ABLIM1: variants seen among roughly 807,000 people sequenced by gnomAD.
The protein encoded by ABLIM1 is actin binding LIM protein 1.
Under a neutral mutation model 107.0 loss-of-function variants are expected in ABLIM1, and 40 were observed. That is an observed-to-expected ratio of 0.37 (90% CI 0.29 to 0.49). ABLIM1 has a LOEUF of 0.49. ABLIM1 is among the 20% of genes least tolerant of loss of function. The pLI, the probability that ABLIM1 is intolerant of heterozygous loss-of-function variation, is 0.97. For synonymous variants in ABLIM1, 357 were observed against 357.3 expected (o/e 1.00, Z 0.01); for missense variants, 857 against 1,008.5 (o/e 0.85, Z 2.04).
At chr10:114,542,198 C>T (rs2066749218) in intron 6 of ABLIM1, among the ~76,000 whole-genome samples, 1 of 151,926 alleles carries the variant, frequency 6.6e-6, no homozygotes. Flanking sequence ...TGCCTGAGGC[C>T]AGGAGTTAGA....
At chr10:114,609,947 G>A (rs2483593) in intron 1 of ABLIM1, among the ~76,000 whole-genome samples, 144,163 of 152,312 alleles carry the variant, frequency 0.95, 68,271 homozygotes, top group African/African-American at 0.99. Context: ...GTCCAAAAAG[G>A]TACAGCTAAG....
At chr10:114,512,880 G>C (rs1364022820) in intron 6 of ABLIM1, among the ~76,000 whole-genome samples, 2 of 149,884 alleles carry the variant, frequency 1.3e-5, no homozygotes, top group Admixed American at 6.7e-5. Flanking sequence ...AGGAAGGAAG[G>C]AAGGAAGGAA....
chr10:114,792,784 G>T, the ABLIM1 span, among the ~76,000 whole-genome samples: 3 of 152,136 alleles, frequency 2.0e-5, no homozygotes, highest in Non-Finnish European at 4.4e-5. Context: ...TCTATATTCA[G>T]CTGCTTTATC....
At chr10:114,757,343 A>G (rs1382165404) in intron 1 of ABLIM1, among the ~76,000 whole-genome samples, 1 of 152,182 alleles carries the variant, frequency 6.6e-6, no homozygotes, top group Non-Finnish European at 1.5e-5. Context: ...AAGTTTCTTC[A>G]TTTCTCTATG....
rs774102441 is a variant in ABLIM1 at position 114,438,385 on chromosome 10, G to A, written c.2143-461C>T. 3.3e-5 allele frequency among the ~76,000 whole-genome samples: 5 copies of A among 152,130 alleles called. No individual in the cohort carries two copies. In the South Asian group the frequency reaches 8.3e-4, roughly 25 times the overall value. On this transcript the variant is annotated intron_variant, in intron 21 of 22. Transcript: ENST00000533213. ...GGTGACCCTCCTATCTTACCCTCCC[G>A]AGTAGCTGGGACTATAGGCACATGT... is the stretch of plus-strand genomic sequence containing the variant.
chr10:114,615,023 C>A (rs2077038245), intron 1 of ABLIM1, among the ~76,000 whole-genome samples: 1 of 144,862 alleles, frequency 6.9e-6, no homozygotes, highest in Non-Finnish European at 1.5e-5. Flanking sequence ...GCACTCCAGT[C>A]TGGGCAATAA....
chr10:114,680,843 G>A lies in ABLIM1; in HGVS notation c.64+3447C>T, dbSNP rs145719456. On this transcript the variant is annotated intron_variant, in intron 1 of 23. Transcript: ENST00000369256. ...CAGGATTATCATTCTAAATGACAGA[G>A]ATTTATTCTGAACAGTCCCTAGCAT... is the stretch of plus-strand genomic sequence containing the variant. Among the ~76,000 whole-genome samples, 70 of 152,300 alleles carry A rather than the reference G, an allele frequency of 4.6e-4. No individual in the cohort carries two copies. In the East Asian group the frequency reaches 0.012, roughly 27 times the overall value.
Position 114,571,387 on chromosome 10 carries a change from C to G in ABLIM1, c.583G>C (p.Asp195His). The change falls in exon 4 of 23, where the codon GAC (aspartate) becomes CAC (histidine). Residue 195 changes from aspartate (D) to histidine (H), a missense_variant. Asp to His is a moderately conservative substitution (Grantham distance 81). This residue lies in a region of ABLIM1 where 381 missense variants were observed against 506.9 expected (regional missense o/e 0.75). Coordinates refer to ENST00000533213, the MANE Select transcript of ABLIM1 (RefSeq NM_002313.7). ...TCTCTCCCATTGAATGTGACTCGGT[C>G]TCCGGGTGGAAACGGGCGCCTGGAG... ...TICKRPFPPG[D>H]RVTFNGRDCL... The G allele has an allele frequency of 6.2e-7, 1 of 1,614,202 alleles. No individual in the cohort carries two copies. The highest frequency in any genetic ancestry group is 8.5e-7 in the Non-Finnish European group (1 of 1,180,044).
chr10:114,576,265 G>A (rs189146982), intron 2 of ABLIM1, among the ~76,000 whole-genome samples: 4 of 152,336 alleles, frequency 2.6e-5, no homozygotes, highest in East Asian at 1.9e-4. Context: ...GGGAGATGGT[G>A]CAAACAGGCA....
chr10:114,797,820 G>A, the ABLIM1 span, among the ~76,000 whole-genome samples: 1 of 152,142 alleles, frequency 6.6e-6, no homozygotes, highest in Admixed American at 6.6e-5. Context: ...AGTGGGACAG[G>A]ACAGTTAGAT....
At chr10:114,692,567 AT>A (rs2081103104) in intron 1 of ABLIM1, among the ~76,000 whole-genome samples, 1 of 152,326 alleles carries the variant, frequency 6.6e-6, no homozygotes, top group South Asian at 2.1e-4. Context: ...AAAAGTCTAA[AT>A]TCAAAAGGAT....
rs557711453 is a variant in ABLIM1, at chr10:114,695,709, G to A, written c.-213+72352C>T. ...GAATTCTGCTGCTAGAAATGGCAATGATAATGCAATGGCATTGGAGACAAT... is the reference window on the plus strand; with the variant it reads ...GAATTCTGCTGCTAGAAATGGCAATAATAATGCAATGGCATTGGAGACAAT... On this transcript the variant is annotated intron_variant, in intron 1 of 15. Transcript: ENST00000651092. Among the ~76,000 whole-genome samples, 12 of 152,278 alleles carry A rather than the reference G, an allele frequency of 7.9e-5. No individual in the cohort carries two copies. In the South Asian group the frequency reaches 2.5e-3, roughly 32 times the overall value.
At chr10:114,474,584 G>A (rs2067234385) in intron 8 of ABLIM1, among the ~76,000 whole-genome samples, 1 of 152,066 alleles carries the variant, frequency 6.6e-6, no homozygotes. Flanking sequence ...GTTTCACCGT[G>A]TTAGCCAGGA....
chr10:114,693,371 C>T (rs536659600), intron 1 of ABLIM1, among the ~76,000 whole-genome samples: 174 of 151,576 alleles, frequency 1.1e-3, no homozygotes, highest in African/African-American at 3.8e-3. Flanking sequence ...AAATGAAGGC[C>T]TGTGAGTGTA....
the ABLIM1 span, among the ~76,000 whole-genome samples, chr10:114,798,423 T>A: frequency 0.013 from 1,786 of 136,032 alleles, 40 homozygotes; most frequent in African/African-American, 0.045. Flanking sequence ...GACTCTGTTT[T>A]AAAAAAAAAA....
At chr10:114,717,158 G>A (rs1474537850) in intron 1 of ABLIM1, among the ~76,000 whole-genome samples, 1 of 152,180 alleles carries the variant, frequency 6.6e-6, no homozygotes, top group Non-Finnish European at 1.5e-5. Context: ...CACCAGTGAA[G>A]TAATTTTACC....
chr10:114,682,478 C>A (rs1356191881), intron 1 of ABLIM1, among the ~76,000 whole-genome samples: 1 of 152,170 alleles, frequency 6.6e-6, no homozygotes, highest in African/African-American at 2.4e-5. Context: ...TCAAAATATC[C>A]TTTTGTTTAA....
At chr10:114,617,543 C>T (rs2077206169) in intron 1 of ABLIM1, among the ~76,000 whole-genome samples, 1 of 152,196 alleles carries the variant, frequency 6.6e-6, no homozygotes, top group South Asian at 2.1e-4. Context: ...GCTGGGATTA[C>T]AGGCATGAGC....
At chr10:114,783,253 A>C in the ABLIM1 span, among the ~76,000 whole-genome samples, 1 of 151,950 alleles carries the variant, frequency 6.6e-6, no homozygotes, top group Non-Finnish European at 1.5e-5. Context: ...CAGCCTGGGC[A>C]ACAGAGTGAG....
Sources: allele counts gnomAD v4.1 joint callset (sites outside exome capture counted in the v4.1 genomes callset), GRCh38; gene constraint gnomAD v4.1.1; regional missense constraint gnomAD v4.1.1; transcripts MANE v1.5; gene names NCBI Gene and HGNC (gene_info 2026-07-23, HGNC 2026-07-21).